UBE2V1: variants seen among roughly 807,000 people sequenced by gnomAD.
UBE2V1 encodes the protein ubiquitin-conjugating enzyme E2 variant 1.
A neutral mutation model predicts 19.6 loss-of-function variants in UBE2V1; 15 were observed. The observed-to-expected ratio is 0.77, with a 90% CI of 0.51 to 1.18. The LOEUF (loss-of-function observed/expected upper bound fraction) is 1.18. Among genes scored for constraint, UBE2V1 ranks in the 50% most tolerant of loss-of-function variants. The pLI, the probability that UBE2V1 is intolerant of heterozygous loss-of-function variation, is 0.00. For missense variants in UBE2V1, 125 were observed against 184.8 expected, an observed-to-expected ratio of 0.68 and a Z score of 1.88; for synonymous variants, 60 against 60.7, an observed-to-expected ratio of 0.99 and a Z score of 0.05.
chr20:50,091,590 G>A (rs771092445), intron 2 of UBE2V1, among the ~76,000 whole-genome samples: 4 of 149,704 alleles, frequency 2.7e-5, no homozygotes, highest in Non-Finnish European at 5.9e-5. Flanking sequence ...ACCGGGTTTC[G>A]CCATATTGGC....
intron 2 of UBE2V1, chr20:50,084,616 C>T (rs1000769058): frequency 6.4e-5 from 29 of 456,572 alleles, no homozygotes; most frequent in South Asian, 3.9e-4. Flanking sequence ...TGTCCACTCA[C>T]CAGGATCATC....
At chr20:50,094,120 A>G (rs1194940431) in intron 2 of UBE2V1, among the ~76,000 whole-genome samples, 1 of 121,642 alleles carries the variant, frequency 8.2e-6, no homozygotes, top group African/African-American at 3.3e-5. Context: ...ATAAAAATAT[A>G]TTATATATTA....
intron 2 of UBE2V1, chr20:50,084,817 T>G (rs75459012): frequency 4.9e-6 from 1 of 203,522 alleles, no homozygotes; most frequent in African/African-American, 2.4e-5. Context: ...CTGCAGTCTT[T>G]TTTTTTTTTT....
rs187850228 is a variant in UBE2V1 at position 50,111,087 on chromosome 20, T to C, written c.22+2020A>G. ...CCCGAAGGATACAGACTATGTCCAT[T>C]TTGTTTGCTATCCACGATGGGACAT... On this transcript the variant is annotated intron_variant, in intron 1 of 3. Coordinates refer to ENST00000371674, the MANE Select transcript of UBE2V1 (RefSeq NM_001032288.3). Among the ~76,000 whole-genome samples, 658 of 152,332 alleles carry C rather than the reference T, an allele frequency of 4.3e-3. 4 individuals carry two copies. Among genetic ancestry groups the C allele is most frequent in the African/African-American group, 0.015 (627 of 41,580 alleles).
chr20:50,086,246 G>A (rs967000547), intron 2 of UBE2V1, among the ~76,000 whole-genome samples: 5 of 152,032 alleles, frequency 3.3e-5, no homozygotes, highest in Non-Finnish European at 7.4e-5. Context: ...CACCCCAGCT[G>A]CTTCCCCTTG....
rs137921939 is a variant in UBE2V1, at chr20:50,096,723, G to A, written c.120C>T (p.Asp40=). The change falls in exon 2 of 4, where the codon GAC becomes GAT. Residue 40 remains aspartate, a synonymous_variant. Coordinates refer to ENST00000371674, the MANE Select transcript of UBE2V1 (RefSeq NM_001032288.3). The stretch of plus-strand genomic sequence containing the variant: ...TCCATCTTGTAAGTGTCATGTCTTC[G>A]TCATCTTCTAGACCCCAGCTAACTG... The part of the protein sequence containing the change: ...DGTVSWGLED[D]EDMTLTRWTG... 26 of 1,614,082 alleles carry A rather than the reference G, an allele frequency of 1.6e-5. No homozygotes were observed. The highest frequency in any genetic ancestry group is 1.3e-4 in the East Asian group (6 of 44,882).
At chr20:50,091,348 T>C (rs991020556) in intron 2 of UBE2V1, among the ~76,000 whole-genome samples, 5 of 149,390 alleles carry the variant, frequency 3.3e-5, no homozygotes, top group Non-Finnish European at 7.4e-5. Flanking sequence ...ACCTGGGCTT[T>C]TGTCATTAAA....
intron 2 of UBE2V1, among the ~76,000 whole-genome samples, chr20:50,092,796 A>G (rs1003608103): frequency 2.6e-5 from 4 of 152,272 alleles, no homozygotes; most frequent in African/African-American, 9.6e-5. Flanking sequence ...CAGCACACAC[A>G]TATGACTAAA....
At chr20:50,115,856 T>C (rs1440938759), upstream of UBE2V1, 2 of 304,932 alleles carry the variant, frequency 6.6e-6, no homozygotes, top group African/African-American at 4.3e-5. Context: ...CCGTAAATGT[T>C]TACTCGCATG....
In UBE2V1 at chr20:50,081,915, G is replaced by A. The variant is rs545495098; in HGVS notation, c.*853C>T. ...CCAATATTCATTTCCCAGGCTGGTG[G>A]AGAGTGAGTGAGTATGGTTCCAAAA... On this transcript the variant is annotated 3_prime_UTR_variant, in exon 4 of 4. Coordinates refer to ENST00000371674, the MANE Select transcript of UBE2V1 (RefSeq NM_001032288.3). 3 of 259,202 alleles carry A rather than the reference G, an allele frequency of 1.2e-5. No individual in the cohort carries two copies. In the Admixed American group the frequency reaches 1.6e-4, roughly 14 times the overall value. The allele number at this position is 259,202 out of a possible 1,614,324, so 16.1% of individuals were successfully genotyped here. A position where few individuals can be genotyped will look rare whatever the true frequency, so the allele number is the denominator to read the frequency against.
intron 1 of UBE2V1, among the ~76,000 whole-genome samples, chr20:50,106,853 C>T (rs1441266465): frequency 1.1e-5 from 1 of 88,704 alleles, no homozygotes; most frequent in Non-Finnish European, 2.2e-5. Context: ...AAAACAACAA[C>T]AACAACAACA....
At chr20:50,089,946 G>A (rs1600993635) in intron 2 of UBE2V1, among the ~76,000 whole-genome samples, 1 of 152,134 alleles carries the variant, frequency 6.6e-6, no homozygotes, top group Admixed American at 6.5e-5. Flanking sequence ...CTGGTTCTGG[G>A]CTTCAGTGTC....
chr20:50,104,963 G>A (rs1489716295), intron 1 of UBE2V1, among the ~76,000 whole-genome samples: 1 of 152,104 alleles, frequency 6.6e-6, no homozygotes, highest in African/African-American at 2.4e-5. Flanking sequence ...CTGACCTCAA[G>A]TGATCCACCT....
chr20:50,102,840 C>T (rs1342318182), intron 1 of UBE2V1, among the ~76,000 whole-genome samples: 1 of 152,180 alleles, frequency 6.6e-6, no homozygotes, highest in Admixed American at 6.5e-5. Flanking sequence ...TGCCACTCTG[C>T]CTTGCTCCCC....
intron 2 of UBE2V1, among the ~76,000 whole-genome samples, chr20:50,091,712 G>T (rs963936042): frequency 6.6e-6 from 1 of 152,104 alleles, no homozygotes; most frequent in Admixed American, 6.5e-5. Context: ...TTAAAAAAGA[G>T]ATCAGTCAAT....
chr20:50,099,109 G>T (rs2079822594), intron 1 of UBE2V1: 1 of 302,674 alleles, frequency 3.3e-6, no homozygotes, highest in Non-Finnish European at 4.9e-6. Flanking sequence ...ATTACTACTG[G>T]TTAATTTACA....
intron 2 of UBE2V1, among the ~76,000 whole-genome samples, chr20:50,085,335 T>C (rs1307937186): frequency 1.3e-5 from 2 of 152,116 alleles, no homozygotes; most frequent in African/African-American, 4.8e-5. Flanking sequence ...TCCTTCTGCT[T>C]GGAGCGTCCT....
At chr20:50,086,502 A>C (rs2078922635) in intron 2 of UBE2V1, among the ~76,000 whole-genome samples, 1 of 152,220 alleles carries the variant, frequency 6.6e-6, no homozygotes, top group Non-Finnish European at 1.5e-5. Context: ...AAGCAAACAA[A>C]GGCATGACTC....
rs553143812 is a variant in UBE2V1, at chr20:50,105,922, C to CA, written c.22+7184dup. 3.9e-3 allele frequency among the ~76,000 whole-genome samples: 583 copies of CA among 149,132 alleles called. 4 individuals carry two copies. Among genetic ancestry groups the CA allele is most frequent in the South Asian group, 7.2e-3 (34 of 4,744 alleles). On this transcript the variant is annotated intron_variant, in intron 1 of 3. Transcript: ENST00000371674. ...CCCAGCCTGGGCAACAGAGACTCGT[C>CA]AAAAAAAACAAAAAACAAAAAAACA... is the stretch of plus-strand genomic sequence containing the variant.
Sources: gnomAD v4.1 joint callset for allele counts (sites outside exome capture counted in the v4.1 genomes callset) on GRCh38, gnomAD v4.1.1 for gene constraint, MANE v1.5 for transcripts, NCBI Gene and HGNC (gene_info 2026-07-23, HGNC 2026-07-21) for gene names.